The following FIRRM variants were observed in gnomAD, a reference collection of about 807,000 sequenced individuals.
The protein encoded by FIRRM is FIGNL1 interacting regulator of recombination and mitosis.
the FIRRM span, among the ~76,000 whole-genome samples, chr1:169,841,318 A>G: frequency 1.3e-5 from 2 of 152,184 alleles, no homozygotes; most frequent in Non-Finnish European, 2.9e-5. Context: ...ATCATGTTGA[A>G]TTAATTTTTG....
At chr1:169,853,038 T>G in the FIRRM span, 2 of 1,563,970 alleles carry the variant, frequency 1.3e-6, no homozygotes, top group African/African-American at 2.7e-5. Context: ...CTGAAAATAC[T>G]TATGTCTGTA....
the FIRRM span, among the ~76,000 whole-genome samples, chr1:169,841,997 G>A: frequency 6.6e-6 from 1 of 151,852 alleles, no homozygotes; most frequent in African/African-American, 2.4e-5. Flanking sequence ...CCAACATGGT[G>A]AAAACTGAGT....
the FIRRM span, chr1:169,795,868 G>T: frequency 1.1e-5 from 11 of 985,200 alleles, no homozygotes; most frequent in Non-Finnish European, 1.3e-5. Context: ...CTTGTTGTTG[G>T]CTTTCAACTG....
At chr1:169,837,858 G>C in the FIRRM span, among the ~76,000 whole-genome samples, 1 of 152,138 alleles carries the variant, frequency 6.6e-6, no homozygotes, top group Admixed American at 6.6e-5. Context: ...TAGGAGTTCA[G>C]GTTTTTCTGA....
chr1:169,832,971 G>A, the FIRRM span, among the ~76,000 whole-genome samples: 34,307 of 152,032 alleles, frequency 0.23, 4,320 homozygotes, highest in Middle Eastern at 0.29. Flanking sequence ...GTTGATTGCT[G>A]TGCTTGTTGC....
chr1:169,818,777 C>G, the FIRRM span, among the ~76,000 whole-genome samples: 1 of 152,180 alleles, frequency 6.6e-6, no homozygotes, highest in Non-Finnish European at 1.5e-5. Flanking sequence ...ACCTCCGCTT[C>G]CTGGGTTCAA....
At chr1:169,822,165 T>C in the FIRRM span, among the ~76,000 whole-genome samples, 1 of 152,172 alleles carries the variant, frequency 6.6e-6, no homozygotes, top group African/African-American at 2.4e-5. Context: ...TTTCCCACAA[T>C]GTGTCTTTGC....
chr1:169,812,682 C>T, the FIRRM span, among the ~76,000 whole-genome samples: 1 of 151,906 alleles, frequency 6.6e-6, no homozygotes, highest in African/African-American at 2.4e-5. Context: ...CATGGTGAAA[C>T]CCCGTCTCTA....
chr1:169,819,995 G>T, the FIRRM span, among the ~76,000 whole-genome samples: 20 of 152,126 alleles, frequency 1.3e-4, no homozygotes, highest in Non-Finnish European at 2.8e-4. Flanking sequence ...TTTTGAGCTT[G>T]CAAAGGCTCA....
chr1:169,835,927 A>G, the FIRRM span, among the ~76,000 whole-genome samples: 8 of 152,188 alleles, frequency 5.3e-5, no homozygotes, highest in African/African-American at 1.9e-4. Flanking sequence ...TTCTGGCTGT[A>G]GCCTCTGTCA....
chr1:169,823,391 G>A, the FIRRM span: 1 of 1,547,212 alleles, frequency 6.5e-7, no homozygotes, highest in Non-Finnish European at 8.9e-7. Flanking sequence ...AGAATGAATA[G>A]AGTTGTTTTA....
chr1:169,828,377 C>G, the FIRRM span, among the ~76,000 whole-genome samples: 3 of 152,128 alleles, frequency 2.0e-5, no homozygotes, highest in African/African-American at 4.8e-5. Flanking sequence ...AATGTTAGAA[C>G]TTCTCAGCTT....
the FIRRM span, among the ~76,000 whole-genome samples, chr1:169,848,576 T>C: frequency 6.6e-6 from 1 of 152,230 alleles, no homozygotes; most frequent in Non-Finnish European, 1.5e-5. Flanking sequence ...TATTTGTTCA[T>C]AAGTTAACAG....
the FIRRM span, among the ~76,000 whole-genome samples, chr1:169,816,107 AT>A: frequency 1.3e-5 from 2 of 152,240 alleles, no homozygotes; most frequent in African/African-American, 4.8e-5. Flanking sequence ...ATTATCTTGT[AT>A]TCCTACACAG....
the FIRRM span, among the ~76,000 whole-genome samples, chr1:169,787,166 C>T: frequency 2.0e-5 from 3 of 152,164 alleles, no homozygotes; most frequent in Non-Finnish European, 4.4e-5. Flanking sequence ...GATGCTTTCC[C>T]TGCAGGGTGC....
At chr1:169,806,215 G>C in the FIRRM span, 1 of 610,522 alleles carries the variant, frequency 1.6e-6, no homozygotes, top group African/African-American at 1.9e-5. Flanking sequence ...TGACACTGCT[G>C]TCTGATAATC....
the FIRRM span, chr1:169,829,459 T>C: frequency 6.2e-7 from 1 of 1,600,540 alleles, no homozygotes. Context: ...GGTAAGCATA[T>C]TACTTACTGT....
At chr1:169,810,013 T>C in the FIRRM span, among the ~76,000 whole-genome samples, 1 of 152,154 alleles carries the variant, frequency 6.6e-6, no homozygotes, top group Admixed American at 6.5e-5. Context: ...GTAGATTTGG[T>C]GTCTAACGAG....
the FIRRM span, among the ~76,000 whole-genome samples, chr1:169,847,393 A>G: frequency 6.6e-6 from 1 of 151,870 alleles, no homozygotes; most frequent in Non-Finnish European, 1.5e-5. Context: ...CTGTTTGTAC[A>G]AAATATGTTT....
Sources: gnomAD v4.1 joint callset for allele counts (sites outside exome capture counted in the v4.1 genomes callset) on GRCh38, gnomAD v4.1.1 for gene constraint, MANE v1.5 for transcripts, NCBI Gene and HGNC (gene_info 2026-07-23, HGNC 2026-07-21) for gene names.